Variants in THSD7B observed in about 807,000 individuals in gnomAD.
The protein encoded by THSD7B is thrombospondin type 1 domain containing 7B, also known as thrombospondin type-1 domain-containing protein 7B.
In THSD7B, 138 loss-of-function variants were observed where a neutral mutation model predicts 213.6. The ratio of observed to expected loss-of-function variants is 0.65; its 90% CI spans 0.56 to 0.74. THSD7B has a LOEUF of 0.74. THSD7B is among the 30% of genes least tolerant of loss of function. THSD7B has a pLI of 0.00. For missense variants in THSD7B, 1,931 were observed against 1,991.5 expected (o/e 0.97, Z 0.58); for synonymous variants, 742 against 687.0 (o/e 1.08, Z -1.25).
At position 137,160,324 on chromosome 2, in the gene THSD7B, G is replaced by C; in HGVS notation, c.1481G>C (p.Gly494Ala). 1 of 1,613,596 alleles carries C rather than the reference G, an allele frequency of 6.2e-7. No homozygotes were observed. The highest frequency in any genetic ancestry group is 8.5e-7 in the Non-Finnish European group (1 of 1,179,664). Residue 494 changes from glycine to alanine, a missense_variant, in exon 6 of 28, where the codon GGC becomes GCC. Transcript: ENST00000409968. ...DCIVSSWSAWGLCIHENCHDP... is the reference protein window; with the variant it reads ...DCIVSSWSAWALCIHENCHDP... ...ATAGTATCTTCCTGGTCAGCCTGGG[G>C]CCTGTGCATCCATGAAAACTGTCAT...
At chr2:136,973,093 C>T (rs1685429052) in intron 2 of THSD7B, among the ~76,000 whole-genome samples, 1 of 152,152 alleles carries the variant, frequency 6.6e-6, no homozygotes, top group Non-Finnish European at 1.5e-5. Flanking sequence ...TCCACTCCAA[C>T]ACTCCTACCA....
intron 15 of THSD7B, among the ~76,000 whole-genome samples, chr2:137,538,311 C>T (rs945703579): frequency 1.5e-4 from 23 of 151,498 alleles, no homozygotes; most frequent in African/African-American, 4.6e-4. Context: ...GTATTTTGCT[C>T]GAGACTGGGA....
intron 17 of THSD7B, among the ~76,000 whole-genome samples, chr2:137,587,663 C>A (rs1681767630): frequency 6.6e-6 from 1 of 152,232 alleles, no homozygotes; most frequent in African/African-American, 2.4e-5. Flanking sequence ...TATTGCTGAA[C>A]AGCAAATGTT....
chr2:136,861,586 A>G (rs935310913), intron 1 of THSD7B, among the ~76,000 whole-genome samples: 4 of 152,206 alleles, frequency 2.6e-5, no homozygotes, highest in Non-Finnish European at 5.9e-5. Flanking sequence ...GGTTTGCTCC[A>G]CTTTGCAGTC....
intron 1 of THSD7B, among the ~76,000 whole-genome samples, chr2:136,831,625 A>G (rs1256045119): frequency 2.0e-5 from 3 of 152,268 alleles, no homozygotes; most frequent in East Asian, 1.9e-4. Flanking sequence ...GCCTAGTGAC[A>G]TAGACTTGTG....
At chr2:136,961,088 CAA>C (rs57328048) in intron 2 of THSD7B, among the ~76,000 whole-genome samples, 6 of 39,084 alleles carry the variant, frequency 1.5e-4, no homozygotes, top group African/African-American at 4.8e-4. Context: ...GACTCCGTCT[CAA>C]AAAAAAAAAA....
intron 12 of THSD7B, among the ~76,000 whole-genome samples, chr2:137,338,189 T>C (rs1194648220): frequency 1.3e-5 from 2 of 152,048 alleles, no homozygotes; most frequent in African/African-American, 4.8e-5. Flanking sequence ...TCTTTTTTTC[T>C]CCACATAGTC....
chr2:136,766,613 C>T (rs189705681), intron 1 of THSD7B, among the ~76,000 whole-genome samples: 33 of 152,142 alleles, frequency 2.2e-4, no homozygotes, highest in African/African-American at 6.0e-4. Flanking sequence ...CACTCTATCC[C>T]TTTTTAAAGA....
intron 1 of THSD7B, among the ~76,000 whole-genome samples, chr2:136,864,809 C>T (rs1484183859): frequency 6.6e-6 from 1 of 152,188 alleles, no homozygotes; most frequent in African/African-American, 2.4e-5. Context: ...ACCTTGGCCT[C>T]CCAAAGTGTT....
At chr2:137,290,880 A>G (rs1359113357) in intron 12 of THSD7B, among the ~76,000 whole-genome samples, 1 of 152,076 alleles carries the variant, frequency 6.6e-6, no homozygotes, top group Non-Finnish European at 1.5e-5. Flanking sequence ...TTGCTAGACC[A>G]CTGTTGATAT....
chr2:137,560,387 AT>A (rs1430163609), intron 15 of THSD7B, among the ~76,000 whole-genome samples: 33 of 152,212 alleles, frequency 2.2e-4, no homozygotes, highest in African/African-American at 8.0e-4. Context: ...CAGCCATAAA[AT>A]ATGATGAGTT....
chr2:136,779,614 A>G lies in THSD7B; in HGVS notation c.-36+13927A>G, dbSNP rs375599854. Among the ~76,000 whole-genome samples, 72 of 152,304 alleles carry G rather than the reference A, an allele frequency of 4.7e-4. No homozygotes were observed. In the East Asian group the frequency reaches 0.012, roughly 24 times the overall value. ...TGGAAACTTCATTGAACATAGGTTA[A>G]TCTTGCTTTGATGATTTAAAGTTCC... is the stretch of plus-strand genomic sequence containing the variant. On this transcript the variant is annotated intron_variant, in intron 1 of 27. Coordinates refer to ENST00000409968, the MANE Select transcript of THSD7B (RefSeq NM_001316349.2).
At chr2:136,901,332 T>C (rs563085) in intron 2 of THSD7B, among the ~76,000 whole-genome samples, 65,338 of 152,124 alleles carry the variant, frequency 0.43, 15,669 homozygotes, top group Non-Finnish European at 0.55. Context: ...TGAAGGCCCA[T>C]GCCGAAGGAG....
At chr2:136,817,559 C>A (rs1432601629) in intron 1 of THSD7B, among the ~76,000 whole-genome samples, 1 of 150,218 alleles carries the variant, frequency 6.7e-6, no homozygotes, top group Non-Finnish European at 1.5e-5. Context: ...AGGAAGGGAT[C>A]CAGTTTCAGC....
intron 2 of THSD7B, among the ~76,000 whole-genome samples, chr2:136,953,696 T>C (rs531404041): frequency 3.9e-5 from 6 of 152,162 alleles, no homozygotes; most frequent in Admixed American, 6.6e-5. Context: ...CATAAAATAA[T>C]CTTATCAATC....
rs1682390334 is a variant in THSD7B at position 137,259,518 on chromosome 2, C to T, written c.2267-13015C>T. Reference sequence around the variant, plus strand: ...AGGGTCTGTTTATATCCTTTGCCCACTTTTTGACGGGGTTGTTTTTTTCTT... The same window carrying T: ...AGGGTCTGTTTATATCCTTTGCCCATTTTTTGACGGGGTTGTTTTTTTCTT... On this transcript the variant is annotated intron_variant, in intron 10 of 27. Coordinates refer to ENST00000409968, the MANE Select transcript of THSD7B (RefSeq NM_001316349.2). Among the ~76,000 whole-genome samples, 4 of 152,100 alleles carry T rather than the reference C, an allele frequency of 2.6e-5. No homozygotes were observed. The South Asian group carries it at 8.3e-4, about 31-fold the overall frequency.
Position 137,160,302 on chromosome 2 carries a change from G to T in THSD7B, c.1459G>T (p.Val487Leu). ...TATCCCTTGCTCTACGGACTGCATAGTATCTTCCTGGTCAGCCTGGGGCCT... is the reference window on the plus strand; with the variant it reads ...TATCCCTTGCTCTACGGACTGCATATTATCTTCCTGGTCAGCCTGGGGCCT... Reference protein sequence around the residue: ...CNIPCSTDCIVSSWSAWGLCI... With the variant: ...CNIPCSTDCILSSWSAWGLCI... Residue 487 changes from valine (V) to leucine (L), a missense_variant, in exon 6 of 28, where the codon GTA becomes TTA. By Grantham distance (32) the Val-to-Leu change is conservative. Transcript: ENST00000409968. The T allele has an allele frequency of 6.2e-7, 1 of 1,613,686 alleles. No homozygotes were observed. The highest frequency in any genetic ancestry group is 8.5e-7 in the Non-Finnish European group (1 of 1,179,734).
At chr2:137,673,593 G>A (rs1683627852) in intron 27 of THSD7B, among the ~76,000 whole-genome samples, 1 of 152,226 alleles carries the variant, frequency 6.6e-6, no homozygotes, top group Non-Finnish European at 1.5e-5. Flanking sequence ...TGTGGATACT[G>A]TAGGGAGAAA....
chr2:136,823,983 T>C lies in THSD7B; in HGVS notation c.-35-58161T>C, dbSNP rs189838150. ...TTACTAATATGTATTGAGTATCTGC[T>C]GTGGCTCAGAATTGTACTAAACATT... is the stretch of plus-strand genomic sequence containing the variant. On this transcript the variant is annotated intron_variant, in intron 1 of 27. Transcript: ENST00000409968. Among the ~76,000 whole-genome samples, 498 of 152,352 alleles carry C rather than the reference T, an allele frequency of 3.3e-3. 2 individuals carry two copies. Among genetic ancestry groups the C allele is most frequent in the African/African-American group, 0.012 (485 of 41,586 alleles).
Sources: allele counts gnomAD v4.1 joint callset (sites outside exome capture counted in the v4.1 genomes callset), GRCh38; gene constraint gnomAD v4.1.1; transcripts MANE v1.5; gene names NCBI Gene and HGNC (gene_info 2026-07-23, HGNC 2026-07-21).